Variants in SEC14L1 observed in about 807,000 individuals in gnomAD.
SEC14L1 encodes SEC14 like lipid binding 1, also known as SEC14-like protein 1.
SEC14L1 carries 48 observed loss-of-function variants against 85.3 expected under a neutral mutation model. That is an observed-to-expected ratio of 0.56 (90% CI 0.45 to 0.72). The LOEUF (loss-of-function observed/expected upper bound fraction) is 0.72, where lower values mean the gene tolerates loss of function less well. Among genes scored for constraint, SEC14L1 ranks in the 30% least tolerant of loss-of-function variants. The probability of loss-of-function intolerance (pLI) is 0.00; values close to 1 mark genes in which losing one functional copy is unlikely to be tolerated. For synonymous variants in SEC14L1, 391 were observed against 355.5 expected (o/e 1.10, Z -1.12); for missense variants, 682 against 921.4 (o/e 0.74, Z 3.36).
chr17:77,212,229 C>CA, intron 15 of SEC14L1, 28 bp downstream of exon 15: 2 of 1,608,892 alleles, frequency 1.2e-6, no homozygotes, highest in African/African-American at 2.7e-5. Flanking sequence ...TCAAATCGCG[C>CA]ATCCGTGACT....
At position 77,206,112 on chromosome 17, in the gene SEC14L1, A is replaced by G; in HGVS notation, c.1170-117A>G. On this transcript the variant is annotated intron_variant, in intron 11 of 16. Coordinates refer to ENST00000436233, the MANE Select transcript of SEC14L1 (RefSeq NM_001143998.2). The surrounding 1 kb of genome is among the most constrained non-coding windows in gnomAD (Gnocchi z 4.3). ...ACTATACATAGCACTATAATTTAAAAAAATTGATTATGATGTATTTGGAAA... is the reference window on the plus strand; with the variant it reads ...ACTATACATAGCACTATAATTTAAAGAAATTGATTATGATGTATTTGGAAA... 9.8e-7 allele frequency: 1 copy of G among 1,015,342 alleles called. No individual in the cohort carries two copies. The highest frequency in any genetic ancestry group is 1.7e-5 in the South Asian group (1 of 59,968). The allele number at this position is 1,015,342 out of a possible 1,614,324, so 62.9% of individuals were successfully genotyped here. A position where few individuals can be genotyped will look rare whatever the true frequency, so the allele number is the denominator to read the frequency against.
intron 3 of SEC14L1, among the ~76,000 whole-genome samples, chr17:77,154,419 A>G (rs1973709241): frequency 1.3e-5 from 2 of 152,144 alleles, no homozygotes; most frequent in African/African-American, 4.8e-5. Context: ...CTGCAGTGCC[A>G]CTCTGGCCTG....
intron 3 of SEC14L1, among the ~76,000 whole-genome samples, chr17:77,134,799 T>G (rs1325962130): frequency 1.3e-5 from 2 of 152,204 alleles, no homozygotes; most frequent in African/African-American, 4.8e-5. Flanking sequence ...TCACTGTGTT[T>G]CCCAGGTTGG....
rs150498502 is a variant in SEC14L1 at position 77,112,623 on chromosome 17, C to T, written c.-136+19276C>T. ...TTAGGCGGCCAGGCGTGGTGGCTCA[C>T]ACCTGTAATCCCAGCACTTTGGGAG... On this transcript the variant is annotated intron_variant, in intron 3 of 19. Transcript: ENST00000392476. Among the ~76,000 whole-genome samples the T allele has an allele frequency of 2.6e-5, 4 of 152,282 alleles. No homozygotes were observed. The East Asian group carries it at 7.7e-4, about 29-fold the overall frequency.
chr17:77,206,862 G>T lies in SEC14L1; in HGVS notation c.1476G>T (p.Met492Ile). 1 of 1,596,256 alleles carries T rather than the reference G, an allele frequency of 6.3e-7. No homozygotes were observed. ...IIPDFLSGECMCEVPEGGLVP... is the reference protein window; with the variant it reads ...IIPDFLSGECICEVPEGGLVP... ...CAGATTTCCTGAGTGGGGAGTGCATGGTATGTCCTGAGGCGAGGAACTGCA... is the reference window on the plus strand; with the variant it reads ...CAGATTTCCTGAGTGGGGAGTGCATTGTATGTCCTGAGGCGAGGAACTGCA... The change falls in exon 13 of 17, where the codon ATG becomes ATT. Residue 492 changes from methionine to isoleucine, a missense_variant and splice_region_variant. Physicochemically the swap from Met to Ile is conservative, Grantham distance 10 (BLOSUM62 1). Coordinates refer to ENST00000436233, the MANE Select transcript of SEC14L1 (RefSeq NM_001143998.2). The surrounding 1 kb of genome is among the most constrained non-coding windows in gnomAD (Gnocchi z 4.3).
Position 77,206,911 on chromosome 17 carries a change from G to C in SEC14L1, c.1476+49G>C. On this transcript the variant is annotated intron_variant, in intron 13 of 16. Coordinates refer to ENST00000436233, the MANE Select transcript of SEC14L1 (RefSeq NM_001143998.2). This position sits in a 1 kb window ranked among gnomAD's most constrained non-coding sequence, Gnocchi z 4.3. Reference sequence around the variant, plus strand: ...CACATTTGGCCCCTTATGCAGGTGGGAGAGGTCGGTGTCGATTTGCACAAA... The same window carrying C: ...CACATTTGGCCCCTTATGCAGGTGGCAGAGGTCGGTGTCGATTTGCACAAA... The C allele has an allele frequency of 6.9e-7, 1 of 1,459,410 alleles. No individual in the cohort carries two copies. Among genetic ancestry groups the C allele is most frequent in the African/African-American group, 1.4e-5 (1 of 70,100 alleles). The allele number at this position is 1,459,410 out of a possible 1,614,324, so 90.4% of individuals were successfully genotyped here.
intron 3 of SEC14L1, among the ~76,000 whole-genome samples, chr17:77,158,027 A>G (rs546204507): frequency 6.6e-6 from 1 of 152,108 alleles, no homozygotes; most frequent in African/African-American, 2.4e-5. Flanking sequence ...TGGGCTGGGC[A>G]TGAGCCACCG....
chr17:77,196,718 ATGTAGT>A (rs1975825176), intron 8 of SEC14L1, among the ~76,000 whole-genome samples: 1 of 152,206 alleles, frequency 6.6e-6, no homozygotes, highest in Admixed American at 6.5e-5. Context: ...GGTAAGCCTT[ATGTAGT>A]GAGCAGAGCC....
At chr17:77,088,921 G>C (rs1338126757) in exon 1 of SEC14L1, 1 of 157,816 alleles carries the variant, frequency 6.3e-6, no homozygotes, top group Non-Finnish European at 1.4e-5. Context: ...CGGCGCCCGG[G>C]ATTTCGGGGA....
chr17:77,151,678 C>T (rs959624859), intron 3 of SEC14L1, among the ~76,000 whole-genome samples: 2 of 152,134 alleles, frequency 1.3e-5, no homozygotes, highest in Non-Finnish European at 2.9e-5. Context: ...TAATAAATGC[C>T]ATTTACCCAT....
chr17:77,201,334 G>T (rs1211737944), intron 9 of SEC14L1, among the ~76,000 whole-genome samples: 1 of 152,144 alleles, frequency 6.6e-6, no homozygotes, highest in Non-Finnish European at 1.5e-5. Flanking sequence ...CCGTAGAACT[G>T]GTTCTTTTAC....
Position 77,216,547 on chromosome 17 carries a change from A to T in SEC14L1, c.*2524A>T. 1 of 1,613,310 alleles carries T rather than the reference A, an allele frequency of 6.2e-7. No individual in the cohort carries two copies. The highest frequency in any genetic ancestry group is 8.5e-7 in the Non-Finnish European group (1 of 1,179,446). ...TTCTCTTTCTCTTTCTCTGTGTCTC[A>T]GATGGCGATTTTGCTGACAGCTGCC... On this transcript the variant is annotated 3_prime_UTR_variant, in exon 17 of 17. Coordinates refer to ENST00000436233, the MANE Select transcript of SEC14L1 (RefSeq NM_001143998.2).
chr17:77,127,208 C>T (rs1193374837), intron 3 of SEC14L1, among the ~76,000 whole-genome samples: 2 of 151,788 alleles, frequency 1.3e-5, no homozygotes, highest in Non-Finnish European at 2.9e-5. Flanking sequence ...CATTGTTCAA[C>T]TCCCACTTAT....
At chr17:77,135,315 C>T (rs904004960) in intron 3 of SEC14L1, among the ~76,000 whole-genome samples, 2 of 152,146 alleles carry the variant, frequency 1.3e-5, no homozygotes, top group African/African-American at 2.4e-5. Flanking sequence ...CATACTCCCA[C>T]CAGTAACTTC....
rs1426812564 is a variant in SEC14L1 at position 77,131,748 on chromosome 17, G to T, written c.-135-10898G>T. 2.6e-5 allele frequency among the ~76,000 whole-genome samples: 4 copies of T among 152,212 alleles called. No individual in the cohort carries two copies. The East Asian group carries it at 5.8e-4, about 22-fold the overall frequency. Reference sequence around the variant, plus strand: ...GATTTACAGATGATCTTGAATGGTAGGCTTTGAAGTTTAAATTTAATTCTG... The same window carrying T: ...GATTTACAGATGATCTTGAATGGTATGCTTTGAAGTTTAAATTTAATTCTG... On this transcript the variant is annotated intron_variant, in intron 3 of 19. Coordinates refer to the SEC14L1 transcript ENST00000392476.
chr17:77,166,344 G>C (rs1305672680), intron 3 of SEC14L1, among the ~76,000 whole-genome samples: 4 of 152,180 alleles, frequency 2.6e-5, no homozygotes, highest in African/African-American at 7.2e-5. Flanking sequence ...GAAGCTTAAT[G>C]AAATTAAATA....
chr17:77,168,002 C>T (rs547758294), intron 3 of SEC14L1, among the ~76,000 whole-genome samples: 5 of 152,168 alleles, frequency 3.3e-5, no homozygotes, highest in Non-Finnish European at 7.3e-5. Flanking sequence ...TGTGTCCTTC[C>T]CCTGTTGGCT....
rs369232367 is a variant in SEC14L1 at position 77,212,145 on chromosome 17, C to T, written c.1807C>T (p.Arg603Cys). The T allele has an allele frequency of 1.4e-5, 23 of 1,614,058 alleles. No individual in the cohort carries two copies. The East Asian group carries it at 3.1e-4, about 22-fold the overall frequency. ...CATAGACAAAGTCTGGCAGCTGGGC[C>T]GCGACTACAGCATGGTGGAGTCGCC... ...QLIDKVWQLGRDYSMVESPLI... is the reference protein window; with the variant it reads ...QLIDKVWQLGCDYSMVESPLI... Residue 603 changes from arginine (R) to cysteine (C), a missense_variant, in exon 15 of 17, where the codon CGC (arginine) becomes TGC (cysteine). Arg to Cys is a radical substitution (Grantham distance 180). Coordinates refer to ENST00000436233, the MANE Select transcript of SEC14L1 (RefSeq NM_001143998.2).
At chr17:77,192,719 G>A (rs1341512226) in intron 5 of SEC14L1, among the ~76,000 whole-genome samples, 1 of 151,720 alleles carries the variant, frequency 6.6e-6, no homozygotes. Context: ...CTGGAGTGCA[G>A]TGGAACAATC....
Sources: allele counts gnomAD v4.1 joint callset (sites outside exome capture counted in the v4.1 genomes callset), GRCh38; gene constraint gnomAD v4.1.1; non-coding constraint Gnocchi (gnomAD v3.1); transcripts MANE v1.5; gene names NCBI Gene and HGNC (gene_info 2026-07-23, HGNC 2026-07-21).